The following PPP1CC variants were observed in gnomAD, a reference collection of about 807,000 sequenced individuals.
The protein encoded by PPP1CC is protein phosphatase 1 catalytic subunit gamma.
In PPP1CC, 16 loss-of-function variants were observed where a neutral mutation model predicts 38.4. The observed-to-expected ratio is 0.42, with a 90% CI of 0.28 to 0.63. PPP1CC has a LOEUF of 0.63. Among genes scored for constraint, PPP1CC ranks in the 30% least tolerant of loss-of-function variants. The pLI is 0.25. For missense variants in PPP1CC, 170 were observed against 391.3 expected (o/e 0.43, Z 4.77); for synonymous variants, 158 against 136.0 (o/e 1.16, Z -1.13).
intron 1 of PPP1CC, 158 bp from the exon 2 acceptor site, chr12:110,732,059 C>T: frequency 1.3e-6 from 1 of 748,164 alleles, no homozygotes; most frequent in South Asian, 2.0e-5. Context: ...TAATTAGAAT[C>T]TTAAAATCTT....
intron 6 of PPP1CC, chr12:110,721,817 T>A (rs1373607199): frequency 1.5e-5 from 6 of 398,232 alleles, no homozygotes; most frequent in Non-Finnish European, 2.7e-5. Context: ...CTTTTCACAT[T>A]CAAGTGGTGA....
chr12:110,730,637 T>C lies in PPP1CC; in HGVS notation c.310A>G (p.Ile104Val). ...ATTTTGTAGGCCAGTAAGAGGCAGA[T>C]CGTCTCCAATGACTGCTTTCCCCTG... ...VDRGKQSLETICLLLAYKIKY... is the reference protein window; with the variant it reads ...VDRGKQSLETVCLLLAYKIKY... The change falls in exon 3 of 7, where the codon ATC becomes GTC. Residue 104 changes from isoleucine (I) to valine (V), a missense_variant. This residue lies in a region of PPP1CC where 117 missense variants were observed against 344.4 expected (regional missense o/e 0.34). Transcript: ENST00000335007. 1 of 1,614,190 alleles carries C rather than the reference T, an allele frequency of 6.2e-7. No individual in the cohort carries two copies. Among genetic ancestry groups the C allele is most frequent in the Non-Finnish European group, 8.5e-7 (1 of 1,180,022 alleles).
At chr12:110,737,493 A>AAAAAAAAAG (rs1566088372) in intron 1 of PPP1CC, among the ~76,000 whole-genome samples, 1 of 150,454 alleles carries the variant, frequency 6.6e-6, no homozygotes, top group Non-Finnish European at 1.5e-5. Flanking sequence ...AAAAAAAAAA[A>AAAAAAAAAG]AAAAAAAAGA....
chr12:110,709,942 A>G, the PPP1CC span, among the ~76,000 whole-genome samples: 1 of 114,720 alleles, frequency 8.7e-6, no homozygotes, highest in Non-Finnish European at 1.9e-5. Context: ...AAATAATAAT[A>G]ATAATAATAA....
At chr12:110,741,038 G>A (rs2070011333) in intron 1 of PPP1CC, among the ~76,000 whole-genome samples, 1 of 152,062 alleles carries the variant, frequency 6.6e-6, no homozygotes, top group South Asian at 2.1e-4. Context: ...ATAAATTAAA[G>A]AACTATATTA....
intron 6 of PPP1CC, chr12:110,721,567 T>A (rs2069739376): frequency 5.8e-6 from 1 of 171,212 alleles, no homozygotes; most frequent in Admixed American, 5.9e-5. Context: ...AAAACTATTT[T>A]AATTCATTTA....
intron 2 of PPP1CC, among the ~76,000 whole-genome samples, chr12:110,731,397 C>T (rs766606794): frequency 4.6e-5 from 7 of 152,212 alleles, no homozygotes; most frequent in Middle Eastern, 3.4e-3. Flanking sequence ...ATGCAGAAAA[C>T]AGAACCACAA....
chr12:110,731,561 A>T (rs901022166), intron 2 of PPP1CC, among the ~76,000 whole-genome samples: 4 of 151,974 alleles, frequency 2.6e-5, no homozygotes, highest in Admixed American at 2.6e-4. Flanking sequence ...TCAGCAAAAT[A>T]TTTTTTTTAA....
At chr12:110,724,948 G>A (rs2069779818) in intron 3 of PPP1CC, 184 bp from the exon 4 acceptor site, 2 of 390,280 alleles carry the variant, frequency 5.1e-6, no homozygotes, top group African/African-American at 4.2e-5. Flanking sequence ...TAAGAGCTGG[G>A]CGTGGTGGGT....
chr12:110,740,910 C>T (rs773398913), intron 1 of PPP1CC, among the ~76,000 whole-genome samples: 20 of 152,106 alleles, frequency 1.3e-4, no homozygotes, highest in Non-Finnish European at 2.5e-4. Flanking sequence ...GAAATAAAGC[C>T]ACACATATCC....
chr12:110,712,354 C>A, the PPP1CC span, among the ~76,000 whole-genome samples: 1 of 151,398 alleles, frequency 6.6e-6, no homozygotes, highest in Non-Finnish European at 1.5e-5. Flanking sequence ...AAAACAGACA[C>A]ACAGGCCGGG....
At chr12:110,714,427 G>A in the PPP1CC span, among the ~76,000 whole-genome samples, 2 of 152,032 alleles carry the variant, frequency 1.3e-5, no homozygotes, top group Non-Finnish European at 2.9e-5. Context: ...ATGCTGGACA[G>A]CCTCCTGAGC....
At position 110,722,217 on chromosome 12, in the gene PPP1CC, AAC is replaced by A; in HGVS notation, c.798_799del (p.Ser268CysfsTer9). ...CTCTCCGCAATAATTGGGCGCAGAA[AAC>A]AGAGTGACCAACTGCCTCTTTGCAA... On this transcript the variant is annotated frameshift_variant, in exon 6 of 7. Transcript: ENST00000335007. LOFTEE classifies it high-confidence loss of function. This position sits in a 1 kb window ranked among gnomAD's most constrained non-coding sequence, Gnocchi z 5.4. 6.2e-7 allele frequency: 1 copy of A among 1,614,226 alleles called. No homozygotes were observed. The highest frequency in any genetic ancestry group is 8.5e-7 in the Non-Finnish European group (1 of 1,180,032).
chr12:110,737,448 C>A (rs1192858933), intron 1 of PPP1CC, among the ~76,000 whole-genome samples: 1 of 122,324 alleles, frequency 8.2e-6, no homozygotes, highest in Non-Finnish European at 1.6e-5. Flanking sequence ...CCTGCCACTG[C>A]ACTCCAGCCT....
the PPP1CC span, among the ~76,000 whole-genome samples, chr12:110,712,223 GA>G: frequency 2.6e-5 from 4 of 151,986 alleles, no homozygotes. Flanking sequence ...GCACAATGAT[GA>G]AATTGCCTAA....
downstream of PPP1CC, among the ~76,000 whole-genome samples, chr12:110,715,896 C>A (rs1040239547): frequency 6.6e-6 from 1 of 150,792 alleles, no homozygotes; most frequent in Non-Finnish European, 1.5e-5. Flanking sequence ...GCTGGGATTA[C>A]AGGCGTGAGC....
At chr12:110,721,288 C>A in intron 6 of PPP1CC, 123 bp from the exon 7 acceptor site, 1 of 705,130 alleles carries the variant, frequency 1.4e-6, no homozygotes. Flanking sequence ...ACTGTAAAAG[C>A]CCCCCTAGCA....
At position 110,720,059 on chromosome 12, in the gene PPP1CC, A is replaced by T; in HGVS notation, c.*1017T>A. 1 of 1,301,792 alleles carries T rather than the reference A, an allele frequency of 7.7e-7. No individual in the cohort carries two copies. Among genetic ancestry groups the T allele is most frequent in the Non-Finnish European group, 1.1e-6 (1 of 942,512 alleles). 80.6% of individuals were successfully genotyped at this position (1,301,792 alleles called of 1,614,324 possible). A position where few individuals can be genotyped will look rare whatever the true frequency, so the allele number is the denominator to read the frequency against. The stretch of plus-strand genomic sequence containing the variant: ...TGTATAAACTGGTGGACAGTAAGTT[A>T]GTTCCTTTGTTTTAACTTATAAGCC... On this transcript the variant is annotated 3_prime_UTR_variant, in exon 7 of 7. Transcript: ENST00000335007.
chr12:110,712,340 T>C, the PPP1CC span, among the ~76,000 whole-genome samples: 1 of 151,728 alleles, frequency 6.6e-6, no homozygotes, highest in Non-Finnish European at 1.5e-5. Flanking sequence ...TACACACACA[T>C]TGAAAAACAG....
Sources: gnomAD v4.1 joint callset for allele counts (sites outside exome capture counted in the v4.1 genomes callset) on GRCh38, gnomAD v4.1.1 for gene constraint, gnomAD v4.1.1 regional missense constraint, Gnocchi (gnomAD v3.1) non-coding constraint, MANE v1.5 for transcripts, NCBI Gene and HGNC (gene_info 2026-07-23, HGNC 2026-07-21) for gene names.